Variants in GIGYF2 observed in about 807,000 individuals in gnomAD.
GIGYF2 encodes the protein GRB10 interacting GYF protein 2, also known as GRB10-interacting GYF protein 2.
Under a neutral mutation model 208.1 loss-of-function variants are expected in GIGYF2, and 25 were observed. That is an observed-to-expected ratio of 0.12 (90% CI 0.09 to 0.17). The LOEUF (loss-of-function observed/expected upper bound fraction) is 0.17. Among genes scored for constraint, GIGYF2 ranks in the 10% least tolerant of loss-of-function variants. The probability of loss-of-function intolerance (pLI) is 1.00; values close to 1 mark genes in which losing one functional copy is unlikely to be tolerated. For missense variants in GIGYF2, 1,302 were observed against 1,579.4 expected (o/e 0.82, Z 2.98); for synonymous variants, 534 against 543.8 (o/e 0.98, Z 0.25).
chr2:232,853,910 G>A (rs190865558), intron 28 of GIGYF2, among the ~76,000 whole-genome samples: 3 of 152,282 alleles, frequency 2.0e-5, no homozygotes, highest in Admixed American at 6.5e-5. Flanking sequence ...AGTTAAATGA[G>A]AATATGTCTG....
Position 232,784,386 on chromosome 2 carries a change from CTTTTT to C in GIGYF2, c.533-2747_533-2743del, listed in dbSNP as rs10645449. Among the ~76,000 whole-genome samples, 142 of 92,314 alleles carry C rather than the reference CTTTTT, an allele frequency of 1.5e-3. 1 individual carries two copies. Among genetic ancestry groups the C allele is most frequent in the African/African-American group, 4.3e-3 (108 of 25,186 alleles). The allele number at this position is 92,314 out of a possible 152,430, so 60.6% of individuals were successfully genotyped here. ...TCTAGCTACTTACACGAAATAATTT[CTTTTT>C]TTTTTTTTTTTTTTTTGAGACGGAG... On this transcript the variant is annotated intron_variant, in intron 8 of 28. Coordinates refer to ENST00000373563, the MANE Select transcript of GIGYF2 (RefSeq NM_001103146.3).
At chr2:232,778,419 T>C (rs1163157977) in intron 8 of GIGYF2, among the ~76,000 whole-genome samples, 1 of 152,222 alleles carries the variant, frequency 6.6e-6, no homozygotes, top group African/African-American at 2.4e-5. Flanking sequence ...AAAGTCTTGC[T>C]ATGGTCTATA....
chr2:232,783,648 C>T (rs1057239326), intron 8 of GIGYF2, among the ~76,000 whole-genome samples: 14 of 150,986 alleles, frequency 9.3e-5, no homozygotes, highest in Non-Finnish European at 1.8e-4. Context: ...AAAATAATTT[C>T]TTTTTTTTTG....
intron 8 of GIGYF2, among the ~76,000 whole-genome samples, chr2:232,785,481 C>A (rs2106358636): frequency 6.6e-6 from 1 of 152,316 alleles, no homozygotes; most frequent in African/African-American, 2.4e-5. Context: ...AGGTCTGTGT[C>A]ACTACATGGC....
chr2:232,824,643 G>C (rs1017151399), intron 21 of GIGYF2, among the ~76,000 whole-genome samples: 1 of 152,214 alleles, frequency 6.6e-6, no homozygotes, highest in East Asian at 1.9e-4. Flanking sequence ...AAAGCACAAG[G>C]TGAAGCAGCT....
intron 12 of GIGYF2, among the ~76,000 whole-genome samples, chr2:232,792,269 A>G (rs976465334): frequency 3.9e-5 from 6 of 152,082 alleles, no homozygotes; most frequent in African/African-American, 1.4e-4. Context: ...CCCCCAAACT[A>G]GGGTAGGTGT....
At chr2:232,771,447 C>T in intron 8 of GIGYF2, 1 of 1,003,224 alleles carries the variant, frequency 1.0e-6, no homozygotes, top group Non-Finnish European at 1.5e-6. Flanking sequence ...TTGGAGAGCT[C>T]ATGGACTTTC....
intron 4 of GIGYF2, among the ~76,000 whole-genome samples, chr2:232,748,455 T>C (rs547889214): frequency 2.0e-5 from 3 of 152,178 alleles, no homozygotes; most frequent in Non-Finnish European, 2.9e-5. Context: ...GCTAATTTTT[T>C]TGTATTTTTG....
At chr2:232,711,254 C>CTTT (rs34701447) in intron 2 of GIGYF2, among the ~76,000 whole-genome samples, 1 of 124,910 alleles carries the variant, frequency 8.0e-6, no homozygotes. Flanking sequence ...CCTGGCTAAT[C>CTTT]TTTTTTTTTT....
At chr2:232,720,585 TTTTGTTTG>T (rs71056294) in intron 2 of GIGYF2, among the ~76,000 whole-genome samples, 10 of 126,310 alleles carry the variant, frequency 7.9e-5, no homozygotes, top group Non-Finnish European at 1.2e-4. Flanking sequence ...ATATATATAT[TTTTGTTTG>T]TTTGTTTGTT....
rs1175988174 is a variant in GIGYF2, at chr2:232,859,117, C to G, written c.*2257C>G. The G allele has an allele frequency of 6.6e-6, 1 of 152,268 alleles. No individual in the cohort carries two copies. Among genetic ancestry groups the G allele is most frequent in the Non-Finnish European group, 1.5e-5 (1 of 68,124 alleles). 9.4% of individuals were successfully genotyped at this position (152,268 alleles called of 1,614,324 possible). ...CCACTTAGTAGAAAGAAACACTCTT[C>G]CCTGGGAATGTTTGTTTCTGTCTCT... On this transcript the variant is annotated 3_prime_UTR_variant, in exon 29 of 29. Transcript: ENST00000373563.
chr2:232,840,927 T>A (rs1455158392), intron 23 of GIGYF2, among the ~76,000 whole-genome samples: 1 of 152,198 alleles, frequency 6.6e-6, no homozygotes, highest in Non-Finnish European at 1.5e-5. Flanking sequence ...GTCATGTGGT[T>A]CACTGAAATT....
intron 6 of GIGYF2, among the ~76,000 whole-genome samples, chr2:232,756,582 T>C (rs765384246): frequency 3.9e-5 from 6 of 152,152 alleles, no homozygotes; most frequent in Non-Finnish European, 5.9e-5. Context: ...ACAGTCCCAA[T>C]TCACTCCAAC....
chr2:232,706,889 T>C (rs1696137660), intron 2 of GIGYF2, among the ~76,000 whole-genome samples: 1 of 149,650 alleles, frequency 6.7e-6, no homozygotes, highest in South Asian at 2.1e-4. Context: ...GAGGCTGTAC[T>C]GAGCCGTGAT....
intron 8 of GIGYF2, chr2:232,768,266 C>G: frequency 6.2e-7 from 1 of 1,614,004 alleles, no homozygotes; most frequent in Non-Finnish European, 8.5e-7. Flanking sequence ...CCAGGTCAGT[C>G]CTGTTTGGGC....
intron 2 of GIGYF2, among the ~76,000 whole-genome samples, chr2:232,703,763 A>C (rs1695960227): frequency 6.6e-6 from 1 of 152,212 alleles, no homozygotes; most frequent in Non-Finnish European, 1.5e-5. Flanking sequence ...GAGTACTGTA[A>C]AGAACCAAAG....
intron 2 of GIGYF2, among the ~76,000 whole-genome samples, chr2:232,723,084 C>T (rs775164229): frequency 6.6e-6 from 1 of 152,152 alleles, no homozygotes. Context: ...AGCGTCAGTG[C>T]TGGGATTCCT....
intron 4 of GIGYF2, among the ~76,000 whole-genome samples, chr2:232,748,344 G>A (rs904547420): frequency 4.6e-5 from 7 of 152,096 alleles, no homozygotes; most frequent in African/African-American, 1.4e-4. Context: ...GTGCAGTGGC[G>A]TGATCTCATC....
chr2:232,718,832 T>TA (rs1171472490), intron 2 of GIGYF2, among the ~76,000 whole-genome samples: 1 of 152,106 alleles, frequency 6.6e-6, no homozygotes, highest in African/African-American at 2.4e-5. Flanking sequence ...TGGAAAAACG[T>TA]AGGTAGGCAG....
Sources: gnomAD v4.1 joint callset for allele counts (sites outside exome capture counted in the v4.1 genomes callset) on GRCh38, gnomAD v4.1.1 for gene constraint, MANE v1.5 for transcripts, NCBI Gene and HGNC (gene_info 2026-07-23, HGNC 2026-07-21) for gene names.